Variants in PDE4D observed in about 807,000 individuals in gnomAD.
The protein encoded by PDE4D is 3',5'-cyclic-AMP phosphodiesterase 4D.
In PDE4D, 24 loss-of-function variants were observed where a neutral mutation model predicts 87.4. The ratio of observed to expected loss-of-function variants is 0.27; its 90% CI spans 0.20 to 0.39. PDE4D has a LOEUF of 0.39. PDE4D is among the 10% of genes least tolerant of loss of function. The probability of loss-of-function intolerance (pLI) is 1.00; values close to 1 mark genes in which losing one functional copy is unlikely to be tolerated. For missense variants in PDE4D, 714 were observed against 1,041.0 expected (o/e 0.69, Z 4.32); for synonymous variants, 384 against 383.2 (o/e 1.00, Z -0.02).
At chr5:59,391,875 C>G (rs939000187) in intron 1 of PDE4D, among the ~76,000 whole-genome samples, 1 of 151,118 alleles carries the variant, frequency 6.6e-6, no homozygotes, top group African/African-American at 2.4e-5. Context: ...CTCTAATACA[C>G]TTTTCTTCAT....
intron 1 of PDE4D, among the ~76,000 whole-genome samples, chr5:59,644,834 C>T (rs2150209394): frequency 6.6e-6 from 1 of 152,304 alleles, no homozygotes; most frequent in South Asian, 2.1e-4. Flanking sequence ...GCTTTCATCC[C>T]ATTATCAGAC....
chr5:60,364,560 A>T (rs1393700915), intron 1 of PDE4D, among the ~76,000 whole-genome samples: 2 of 152,324 alleles, frequency 1.3e-5, no homozygotes, highest in African/African-American at 4.8e-5. Context: ...ATAGTCTTTG[A>T]TAAAAACTTA....
chr5:59,300,788 C>G (rs1770078018), intron 1 of PDE4D, among the ~76,000 whole-genome samples: 1 of 152,080 alleles, frequency 6.6e-6, no homozygotes, highest in East Asian at 1.9e-4. Context: ...GTTCAGTTCC[C>G]AAGACTGCCC....
At chr5:59,195,983 A>C (rs1745378242) in intron 2 of PDE4D, among the ~76,000 whole-genome samples, 1 of 152,146 alleles carries the variant, frequency 6.6e-6, no homozygotes, top group Admixed American at 6.6e-5. Context: ...CAGGGAGACC[A>C]GTGTAGAGAA....
chr5:59,101,262 G>T (rs745739550), intron 5 of PDE4D, among the ~76,000 whole-genome samples: 4 of 152,056 alleles, frequency 2.6e-5, no homozygotes, highest in Non-Finnish European at 5.9e-5. Context: ...CCATTCTCAT[G>T]GGTTTCCTCA....
intron 1 of PDE4D, among the ~76,000 whole-genome samples, chr5:59,669,037 A>T (rs1482669165): frequency 6.6e-6 from 1 of 152,232 alleles, no homozygotes; most frequent in Non-Finnish European, 1.5e-5. Context: ...TGACACATTC[A>T]GTTAGGTTAT....
chr5:59,747,843 C>G (rs908737741), intron 1 of PDE4D, among the ~76,000 whole-genome samples: 4 of 152,148 alleles, frequency 2.6e-5, no homozygotes, highest in Non-Finnish European at 5.9e-5. Context: ...CCTATTCCCC[C>G]AAAGCCTCCT....
intron 1 of PDE4D, among the ~76,000 whole-genome samples, chr5:59,534,355 G>T (rs1193354156): frequency 6.6e-6 from 1 of 152,128 alleles, no homozygotes; most frequent in Non-Finnish European, 1.5e-5. Flanking sequence ...CATATTGTAT[G>T]GTCTATAGTT....
intron 1 of PDE4D, among the ~76,000 whole-genome samples, chr5:59,580,827 A>G (rs1022564664): frequency 3.3e-5 from 5 of 152,194 alleles, no homozygotes; most frequent in Non-Finnish European, 7.3e-5. Flanking sequence ...CACACAAAAC[A>G]TTAACACTCC....
chr5:59,852,336 C>T (rs571316426), intron 1 of PDE4D, among the ~76,000 whole-genome samples: 6 of 152,206 alleles, frequency 3.9e-5, no homozygotes, highest in African/African-American at 1.2e-4. Flanking sequence ...CATTGTGTGA[C>T]TTTTGAGGCT....
At chr5:60,415,219 G>T (rs570998184) in intron 1 of PDE4D, among the ~76,000 whole-genome samples, 1 of 152,374 alleles carries the variant, frequency 6.6e-6, no homozygotes, top group South Asian at 2.1e-4. Context: ...GAATGTGAAT[G>T]TAAGTCATAT....
intron 1 of PDE4D, among the ~76,000 whole-genome samples, chr5:60,199,848 T>C (rs1052599527): frequency 1.3e-5 from 2 of 151,704 alleles, no homozygotes; most frequent in Non-Finnish European, 2.9e-5. Flanking sequence ...CATTCATAAA[T>C]ATTACTAAGG....
intron 1 of PDE4D, among the ~76,000 whole-genome samples, chr5:60,414,261 GT>G (rs1272474454): frequency 6.6e-6 from 1 of 152,084 alleles, no homozygotes; most frequent in Admixed American, 6.5e-5. Flanking sequence ...TCTTTAGGTA[GT>G]TTTTATGTGT....
intron 1 of PDE4D, chr5:60,185,785 C>T (rs1313419231): frequency 6.5e-5 from 31 of 476,672 alleles, no homozygotes; most frequent in Non-Finnish European, 1.1e-4. Flanking sequence ...TTAAATAATT[C>T]ATCGGAACAG....
chr5:60,241,741 T>A (rs1309012886), intron 1 of PDE4D, among the ~76,000 whole-genome samples: 1 of 152,048 alleles, frequency 6.6e-6, no homozygotes, highest in African/African-American at 2.4e-5. Context: ...AGAAAGTTTA[T>A]TCAAAGGGAT....
chr5:59,909,591 C>T (rs1753218505), intron 3 of PDE4D, among the ~76,000 whole-genome samples: 1 of 152,162 alleles, frequency 6.6e-6, no homozygotes. Flanking sequence ...TACCATGTTG[C>T]TCAGCCTTGT....
intron 5 of PDE4D, among the ~76,000 whole-genome samples, chr5:59,041,817 A>G (rs1207328618): frequency 6.6e-6 from 1 of 152,180 alleles, no homozygotes; most frequent in Non-Finnish European, 1.5e-5. Context: ...CACACATTAT[A>G]TTTCAGTTGT....
At chr5:60,017,930 C>G (rs752151572) in intron 2 of PDE4D, among the ~76,000 whole-genome samples, 10 of 152,176 alleles carry the variant, frequency 6.6e-5, no homozygotes, top group Non-Finnish European at 1.2e-4. Context: ...AAAAGCGTTC[C>G]TATTTCTCCA....
At chr5:59,474,104 G>A (rs1052214152) in intron 1 of PDE4D, among the ~76,000 whole-genome samples, 2 of 152,130 alleles carry the variant, frequency 1.3e-5, no homozygotes, top group African/African-American at 4.8e-5. Flanking sequence ...ATCACGGTGT[G>A]TGTGTTATTA....
Sources: gnomAD v4.1 joint callset for allele counts (sites outside exome capture counted in the v4.1 genomes callset) on GRCh38, gnomAD v4.1.1 for gene constraint, MANE v1.5 for transcripts, NCBI Gene and HGNC (gene_info 2026-07-23, HGNC 2026-07-21) for gene names.